SLIT1: variants seen among roughly 807,000 people sequenced by gnomAD.
The protein encoded by SLIT1 is slit homolog 1 protein.
Under a neutral mutation model 186.1 loss-of-function variants are expected in SLIT1, and 66 were observed. The observed-to-expected ratio is 0.35, with a 90% CI of 0.29 to 0.44. The LOEUF is 0.44. Among genes scored for constraint, SLIT1 ranks in the 20% least tolerant of loss-of-function variants. The pLI, the probability that SLIT1 is intolerant of heterozygous loss-of-function variation, is 1.00. For missense variants in SLIT1, 1,638 were observed against 2,037.4 expected, an observed-to-expected ratio of 0.80 and a Z score of 3.77; for synonymous variants, 761 against 833.8, an observed-to-expected ratio of 0.91 and a Z score of 1.50.
chr10:97,063,313 G>A, intron 8 of SLIT1, 142 bp downstream of exon 8: 2 of 836,738 alleles, frequency 2.4e-6, no homozygotes, highest in Non-Finnish European at 3.9e-6. Context: ...GCAGGGTCAG[G>A]AGGTGATGGG....
chr10:97,133,834 T>C (rs1320539278), intron 4 of SLIT1, among the ~76,000 whole-genome samples: 9 of 152,302 alleles, frequency 5.9e-5, no homozygotes, highest in Non-Finnish European at 7.4e-5. Flanking sequence ...TTCATAGGCC[T>C]GCTAAAAACT....
At chr10:97,018,176 C>A (rs1043571686) in intron 28 of SLIT1, among the ~76,000 whole-genome samples, 7 of 152,164 alleles carry the variant, frequency 4.6e-5, no homozygotes, top group African/African-American at 1.7e-4. Context: ...ATTTCAAACA[C>A]CCCTGCTGTG....
chr10:97,156,320 G>A lies in SLIT1; in HGVS notation c.413+1498C>T, dbSNP rs548125335. Among the ~76,000 whole-genome samples the A allele has an allele frequency of 2.5e-4, 38 of 152,334 alleles. 1 individual carries two copies. The South Asian group carries it at 7.9e-3, about 32-fold the overall frequency. ...TGGCCAGGTGCAGTGGTTCACGCCT[G>A]TAATCCCAGCACTTTGGAAGGCTGA... On this transcript the variant is annotated intron_variant, in intron 4 of 36. Coordinates refer to ENST00000266058, the MANE Select transcript of SLIT1 (RefSeq NM_003061.3).
Position 97,001,351 on chromosome 10 carries a change from C to A in SLIT1, c.4367-1G>T, listed in dbSNP as rs1166886185. 8 of 1,610,322 alleles carry A rather than the reference C, an allele frequency of 5.0e-6. No homozygotes were observed. The highest frequency in any genetic ancestry group is 6.8e-6 in the Non-Finnish European group (8 of 1,177,924). On this transcript the variant is annotated splice_acceptor_variant, in intron 36 of 36. Transcript: ENST00000266058. LOFTEE classifies it high-confidence loss of function. Reference sequence around the variant, plus strand: ...ACAGGGTCCCCCCGGCACTCGGACTCTGGATGGGACAGACACCAAGAGAAA... The same window carrying A: ...ACAGGGTCCCCCCGGCACTCGGACTATGGATGGGACAGACACCAAGAGAAA...
At position 97,133,764 on chromosome 10, in the gene SLIT1, T is replaced by C. The variant is rs142984927; in HGVS notation, c.413+24054A>G. ...ATATCATCCATCTCCTTCTATTTGC[T>C]TGGAATCACATTCATGAGAAGCTGT... is the stretch of plus-strand genomic sequence containing the variant. On this transcript the variant is annotated intron_variant, in intron 4 of 36. Coordinates refer to ENST00000266058, the MANE Select transcript of SLIT1 (RefSeq NM_003061.3). Among the ~76,000 whole-genome samples, 134 of 152,266 alleles carry C rather than the reference T, an allele frequency of 8.8e-4. 2 individuals carry two copies. The East Asian group carries it at 0.025, about 29-fold the overall frequency.
intron 14 of SLIT1, among the ~76,000 whole-genome samples, chr10:97,048,596 A>C (rs1230877303): frequency 6.6e-6 from 1 of 152,200 alleles, no homozygotes; most frequent in African/African-American, 2.4e-5. Flanking sequence ...TACCATTCAG[A>C]TCAAGTCTAG....
intron 34 of SLIT1, among the ~76,000 whole-genome samples, chr10:97,003,789 G>T (rs1353650846): frequency 6.6e-6 from 1 of 152,186 alleles, no homozygotes; most frequent in African/African-American, 2.4e-5. Flanking sequence ...AAAACCAAGA[G>T]GAAATGTGCC....
At position 97,004,366 on chromosome 10, in the gene SLIT1, A is replaced by G. The variant is rs1589359818; in HGVS notation, c.3711-144T>C. 3 of 823,594 alleles carry G rather than the reference A, an allele frequency of 3.6e-6. No homozygotes were observed. In the East Asian group the frequency reaches 7.6e-5, roughly 21 times the overall value. The allele number at this position is 823,594 out of a possible 1,614,324, so 51.0% of individuals were successfully genotyped here. The stretch of plus-strand genomic sequence containing the variant: ...AAGGACTGTGGGGGCTCAAGGGTCT[A>G]TCGCATGATCCCTTTCACTCCCCTT... On this transcript the variant is annotated intron_variant, in intron 33 of 36. Coordinates refer to ENST00000266058, the MANE Select transcript of SLIT1 (RefSeq NM_003061.3). The surrounding 1 kb of genome is among the most constrained non-coding windows in gnomAD (Gnocchi z 5.1).
At chr10:97,099,860 G>A (rs1394937677) in intron 4 of SLIT1, among the ~76,000 whole-genome samples, 1 of 152,180 alleles carries the variant, frequency 6.6e-6, no homozygotes, top group South Asian at 2.1e-4. Context: ...CCAGCCCAGG[G>A]CACACTAGTC....
intron 4 of SLIT1, among the ~76,000 whole-genome samples, chr10:97,080,423 T>C (rs1001133414): frequency 6.6e-6 from 1 of 152,234 alleles, no homozygotes; most frequent in Non-Finnish European, 1.5e-5. Context: ...CCAAGTCACA[T>C]GAAGCTAAGT....
At chr10:97,034,441 G>C in intron 23 of SLIT1, 30 bp downstream of exon 23, 2 of 1,578,942 alleles carry the variant, frequency 1.3e-6, no homozygotes, top group Non-Finnish European at 1.7e-6. Context: ...TGGCCCCGGG[G>C]CCCCCCACCC....
chr10:97,141,771 CGTACT>C (rs200688251), intron 4 of SLIT1, among the ~76,000 whole-genome samples: 7 of 146,226 alleles, frequency 4.8e-5, no homozygotes, highest in African/African-American at 1.8e-4. Context: ...CGTATTGTAT[CGTACT>C]GTATTGTATT....
chr10:97,036,457 C>T (rs781689889), intron 22 of SLIT1, among the ~76,000 whole-genome samples: 25 of 152,204 alleles, frequency 1.6e-4, no homozygotes, highest in Non-Finnish European at 2.8e-4. Context: ...AAGCCAGAGC[C>T]GCCCAAAGTA....
intron 4 of SLIT1, chr10:97,102,437 A>G (rs1849367617): frequency 7.3e-6 from 1 of 137,898 alleles, no homozygotes; most frequent in African/African-American, 2.6e-5. Context: ...AAAAAAAAAA[A>G]AGAAAGAAAG....
Position 97,185,546 on chromosome 10 carries a change from G to A in SLIT1, c.129C>T (p.Thr43=). Residue 43 remains threonine (T), a synonymous_variant, in exon 1 of 37, where the codon ACC becomes ACT. Coordinates refer to ENST00000266058, the MANE Select transcript of SLIT1 (RefSeq NM_003061.3). ...ACPALCTCTG[T]TVDCHGTGLQ... is the part of the protein sequence containing the mutation. ...GCCCCGTGCCGTGGCAGTCCACCGTGGTTCCGGTGCAGGTGCAGAGGGCGG... is the reference window on the plus strand; with the variant it reads ...GCCCCGTGCCGTGGCAGTCCACCGTAGTTCCGGTGCAGGTGCAGAGGGCGG... 2.5e-6 allele frequency: 4 copies of A among 1,611,906 alleles called. No homozygotes were observed. The highest frequency in any genetic ancestry group is 2.5e-6 in the Non-Finnish European group (3 of 1,179,576).
At chr10:97,179,940 G>C (rs1850311951) in intron 1 of SLIT1, among the ~76,000 whole-genome samples, 1 of 152,230 alleles carries the variant, frequency 6.6e-6, no homozygotes, top group South Asian at 2.1e-4. Flanking sequence ...CCGCCGAGCT[G>C]CTAATGCCGG....
intron 25 of SLIT1, among the ~76,000 whole-genome samples, chr10:97,025,578 A>C (rs1848537894): frequency 6.6e-6 from 1 of 152,088 alleles, no homozygotes; most frequent in African/African-American, 2.4e-5. Context: ...CTCAGTGGGG[A>C]GTGCAGAGCC....
At chr10:97,111,757 C>A (rs1023178456) in intron 4 of SLIT1, among the ~76,000 whole-genome samples, 1 of 152,204 alleles carries the variant, frequency 6.6e-6, no homozygotes, top group Non-Finnish European at 1.5e-5. Context: ...AGCGTTCACT[C>A]GTTTCCATGA....
intron 1 of SLIT1, among the ~76,000 whole-genome samples, chr10:97,177,193 A>G (rs1163615826): frequency 6.6e-6 from 1 of 151,892 alleles, no homozygotes; most frequent in South Asian, 2.1e-4. Context: ...TCTCTCTCCA[A>G]CCTGAATACT....
Sources: allele counts gnomAD v4.1 joint callset (sites outside exome capture counted in the v4.1 genomes callset), GRCh38; gene constraint gnomAD v4.1.1; non-coding constraint Gnocchi (gnomAD v3.1); transcripts MANE v1.5; gene names NCBI Gene and HGNC (gene_info 2026-07-23, HGNC 2026-07-21).